PCDHGB3: variants seen among roughly 807,000 people sequenced by gnomAD.
The protein encoded by PCDHGB3 is protocadherin gamma-B3.
A neutral mutation model predicts 59.2 loss-of-function variants in PCDHGB3; 40 were observed. That is an observed-to-expected ratio of 0.68 (90% confidence interval 0.52 to 0.88). The LOEUF (loss-of-function observed/expected upper bound fraction) is 0.88, where lower values mean the gene tolerates loss of function less well. PCDHGB3 is among the 40% of genes least tolerant of loss of function. PCDHGB3 has a pLI of 0.00. For missense variants in PCDHGB3, 1,309 were observed against 1,187.9 expected (o/e 1.10, Z -1.50); for synonymous variants, 581 against 503.6 (o/e 1.15, Z -2.06).
intron 1 of PCDHGB3, chr5:141,412,990 C>T: frequency 1.8e-6 from 1 of 569,958 alleles, no homozygotes. Flanking sequence ...AGAGCTCAAT[C>T]CGGATTCTCA....
rs1487270083 is a variant in PCDHGB3, at chr5:141,402,944, G to T, written c.2415+30135G>T. ...GATCCTTTTGAGAAAATTCCAAAGC[G>T]AGGCAGCAATGGCAGCTCCAACCAA... is the stretch of plus-strand genomic sequence containing the variant. On this transcript the variant is annotated intron_variant, in intron 1 of 3. Transcript: ENST00000576222. The T allele has an allele frequency of 3.8e-6, 6 of 1,592,018 alleles. No individual in the cohort carries two copies. The African/African-American group carries it at 8.1e-5, about 22-fold the overall frequency.
intron 1 of PCDHGB3, chr5:141,419,071 A>G: frequency 6.2e-7 from 1 of 1,614,006 alleles, no homozygotes; most frequent in South Asian, 1.1e-5. Flanking sequence ...ACTACAAGCT[A>G]GTAACAGATG....
At chr5:141,430,950 T>C (rs756423770) in intron 1 of PCDHGB3, 5 of 1,609,980 alleles carry the variant, frequency 3.1e-6, no homozygotes, top group East Asian at 2.2e-5. Flanking sequence ...GAGCGCGGAG[T>C]CCGCATCATC....
At position 141,432,436 on chromosome 5, in the gene PCDHGB3, G is replaced by C; in HGVS notation, c.2415+59627G>C. ...TCGTGCTGGACCAGAACGACAATGC[G>C]CCCGAGATCCTGTACCCCGCCCTCC... On this transcript the variant is annotated intron_variant, in intron 1 of 3. Transcript: ENST00000576222. This position sits in a 1 kb window ranked among gnomAD's most constrained non-coding sequence, Gnocchi z 6.0. 1 of 1,614,196 alleles carries C rather than the reference G, an allele frequency of 6.2e-7. No individual in the cohort carries two copies. Among genetic ancestry groups the C allele is most frequent in the Middle Eastern group, 1.6e-4 (1 of 6,062 alleles).
chr5:141,476,535 T>C lies in PCDHGB3; in HGVS notation c.2416-18272T>C. 5 of 1,614,038 alleles carry C rather than the reference T, an allele frequency of 3.1e-6. No individual in the cohort carries two copies. The highest frequency in any genetic ancestry group is 4.2e-6 in the Non-Finnish European group (5 of 1,180,010). On this transcript the variant is annotated intron_variant, in intron 1 of 3. Coordinates refer to ENST00000576222, the MANE Select transcript of PCDHGB3 (RefSeq NM_018924.5). The surrounding 1 kb of genome is among the most constrained non-coding windows in gnomAD (Gnocchi z 7.6). ...AATCCTGCTTTCCCTACCCAGGAAA[T>C]GAAATTGGAGATTAGCGAGGCCGTG...
In PCDHGB3 at chr5:141,432,751, G is replaced by A; in HGVS notation, c.2415+59942G>A. The A allele has an allele frequency of 6.2e-7, 1 of 1,614,130 alleles. No homozygotes were observed. Among genetic ancestry groups the A allele is most frequent in the Non-Finnish European group, 8.5e-7 (1 of 1,179,982 alleles). Reference sequence around the variant, plus strand: ...CCACTGTCACGCTCACCGTGGCCGTGGCCGACAGCATCCCCCAAGTCCTGG... The same window carrying A: ...CCACTGTCACGCTCACCGTGGCCGTAGCCGACAGCATCCCCCAAGTCCTGG... On this transcript the variant is annotated intron_variant, in intron 1 of 3. Transcript: ENST00000576222. This position sits in a 1 kb window ranked among gnomAD's most constrained non-coding sequence, Gnocchi z 6.0.
chr5:141,435,026 C>A (rs977017371), intron 1 of PCDHGB3, among the ~76,000 whole-genome samples: 4 of 151,978 alleles, frequency 2.6e-5, no homozygotes, highest in Non-Finnish European at 5.9e-5. Context: ...GCTCTTTTCC[C>A]ACTTTTATTT....
At position 141,410,559 on chromosome 5, in the gene PCDHGB3, G is replaced by A. The variant is rs1239897819; in HGVS notation, c.2415+37750G>A. 9.9e-6 allele frequency: 16 copies of A among 1,612,722 alleles called. No individual in the cohort carries two copies. Among genetic ancestry groups the A allele is most frequent in the African/African-American group, 5.3e-5 (4 of 74,894 alleles). On this transcript the variant is annotated intron_variant, in intron 1 of 3. Transcript: ENST00000576222. ...GACATGGTTTGCAGTGTTTCTCCTG[G>A]AGCCTTAATTCCACCTCATGGTGGG...
intron 1 of PCDHGB3, chr5:141,407,965 G>A (rs2095011875): frequency 4.4e-6 from 3 of 688,096 alleles, no homozygotes; most frequent in Non-Finnish European, 6.9e-6. Flanking sequence ...CAGAGCAAGC[G>A]CTGACGCCGG....
Position 141,372,461 on chromosome 5 carries a change from GTTTCACC to G in PCDHGB3, c.2069_2075del (p.Phe690Ter). 1 of 1,614,040 alleles carries G rather than the reference GTTTCACC, an allele frequency of 6.2e-7. No individual in the cohort carries two copies. The highest frequency in any genetic ancestry group is 1.1e-5 in the South Asian group (1 of 91,090). The stretch of plus-strand genomic sequence containing the variant: ...CCTCTGACCCTCAGGCGGAGCTACA[GTTTCACC>G]TAGTAGTGGCGTTGGCCTTGATCTC... On this transcript the variant is annotated frameshift_variant, in exon 1 of 4. Coordinates refer to ENST00000576222, the MANE Select transcript of PCDHGB3 (RefSeq NM_018924.5). LOFTEE classifies it high-confidence loss of function.
intron 1 of PCDHGB3, chr5:141,392,630 C>T (rs1431794812): frequency 1.7e-6 from 1 of 602,802 alleles, no homozygotes; most frequent in African/African-American, 1.9e-5. Context: ...ACACTCAGAT[C>T]TCACACCTCA....
chr5:141,372,935 T>C, intron 1 of PCDHGB3, 126 bp downstream of exon 1: 2 of 830,688 alleles, frequency 2.4e-6, no homozygotes, highest in Non-Finnish European at 3.6e-6. Context: ...TGGTGTAGAG[T>C]AGGGTGTCTA....
intron 2 of PCDHGB3, among the ~76,000 whole-genome samples, chr5:141,503,393 G>A (rs954734829): frequency 2.0e-5 from 3 of 151,824 alleles, no homozygotes; most frequent in African/African-American, 4.8e-5. Flanking sequence ...TCAGGAGTTC[G>A]AAACCAACCT....
At chr5:141,404,882 G>T (rs1380203392) in intron 1 of PCDHGB3, 3 of 1,613,772 alleles carry the variant, frequency 1.9e-6, no homozygotes, top group Non-Finnish European at 2.5e-6. Context: ...GAGCCTTGTG[G>T]TGGCTGTACA....
Position 141,403,252 on chromosome 5 carries a change from G to A in PCDHGB3, c.2415+30443G>A, listed in dbSNP as rs180687908. 8.6e-4 allele frequency: 1,389 copies of A among 1,613,900 alleles called. 2 individuals carry two copies. Among genetic ancestry groups the A allele is most frequent in the Non-Finnish European group, 1.1e-3 (1,338 of 1,179,904 alleles). On this transcript the variant is annotated intron_variant, in intron 1 of 3. Transcript: ENST00000576222. Reference sequence around the variant, plus strand: ...GGGAGGAGCTCTGTGCTCAGAGCCCGCGGTGTCTGGTGAACTTTAAAGTCC... The same window carrying A: ...GGGAGGAGCTCTGTGCTCAGAGCCCACGGTGTCTGGTGAACTTTAAAGTCC...
chr5:141,413,286 C>G, intron 1 of PCDHGB3: 1 of 1,613,968 alleles, frequency 6.2e-7, no homozygotes, highest in Non-Finnish European at 8.5e-7. Flanking sequence ...AGATCTCCTA[C>G]TCAATTCCTG....
chr5:141,418,087 C>T (rs2096220274), intron 1 of PCDHGB3: 9 of 1,613,894 alleles, frequency 5.6e-6, no homozygotes, highest in Non-Finnish European at 7.6e-6. Flanking sequence ...TGCACTTCAG[C>T]GTAGACGCGC....
intron 1 of PCDHGB3, chr5:141,423,599 C>T (rs1185412610): frequency 6.2e-7 from 1 of 1,612,844 alleles, no homozygotes; most frequent in Non-Finnish European, 8.5e-7. Context: ...AAAAGCGAGC[C>T]ACTCTTGATA....
chr5:141,381,720 T>G (rs1777381403), intron 1 of PCDHGB3, among the ~76,000 whole-genome samples: 1 of 152,132 alleles, frequency 6.6e-6, no homozygotes, highest in Non-Finnish European at 1.5e-5. Context: ...CTCACAAGAC[T>G]GGGAGTGAGA....
Sources: gnomAD v4.1 joint callset for allele counts (sites outside exome capture counted in the v4.1 genomes callset) on GRCh38, gnomAD v4.1.1 for gene constraint, Gnocchi (gnomAD v3.1) non-coding constraint, MANE v1.5 for transcripts, NCBI Gene and HGNC (gene_info 2026-07-23, HGNC 2026-07-21) for gene names.